TUBB8: variants seen among roughly 807,000 people sequenced by gnomAD.
The protein encoded by TUBB8 is tubulin beta 8 class VIII.
Under a neutral mutation model 33.7 loss-of-function variants are expected in TUBB8, and 25 were observed. The ratio of observed to expected loss-of-function variants is 0.74; its 90% CI spans 0.54 to 1.04. The LOEUF (loss-of-function observed/expected upper bound fraction) is 1.04, where lower values mean the gene tolerates loss of function less well. Among genes scored for constraint, TUBB8 ranks in the 50% least tolerant of loss-of-function variants. The pLI is 0.00. For missense variants in TUBB8, 279 were observed against 608.0 expected (o/e 0.46, Z 5.69); for synonymous variants, 245 against 240.1 (o/e 1.02, Z -0.19).
At chr10:74,625 CAAAAAAAA>C (rs35723619), upstream of TUBB8, among the ~76,000 whole-genome samples, 3 of 89,680 alleles carry the variant, frequency 3.3e-5, no homozygotes, top group African/African-American at 1.3e-4. Flanking sequence ...GACTCAGTAT[CAAAAAAAA>C]AAAAAAAAAA....
At chr10:62,306 T>C (rs1287725456) in intron 1 of TUBB8, among the ~76,000 whole-genome samples, 3 of 152,274 alleles carry the variant, frequency 2.0e-5, no homozygotes, top group Non-Finnish European at 2.9e-5. Flanking sequence ...TATAATATCT[T>C]ATAACACATC....
chr10:66,802 C>A (rs1303331155), intron 1 of TUBB8, among the ~76,000 whole-genome samples: 1 of 151,992 alleles, frequency 6.6e-6, no homozygotes, highest in African/African-American at 2.4e-5. Context: ...CAAGACCCTA[C>A]CTGTATAAAA....
intron 1 of TUBB8, among the ~76,000 whole-genome samples, chr10:57,898 T>A (rs570782584): frequency 6.6e-6 from 1 of 152,356 alleles, no homozygotes; most frequent in South Asian, 2.1e-4. Context: ...GCTTTTTATT[T>A]TTCTGCCACA....
intron 1 of TUBB8, among the ~76,000 whole-genome samples, chr10:61,649 T>C (rs1414826141): frequency 1.3e-5 from 2 of 152,374 alleles, no homozygotes; most frequent in South Asian, 2.1e-4. Flanking sequence ...CTGATGTTTC[T>C]TTGTTGATTT....
In TUBB8 at chr10:73,165, G is replaced by A. The variant is rs568313372; in HGVS notation, c.-846+804C>T. On this transcript the variant is annotated intron_variant, in intron 1 of 3. Transcript: ENST00000564130. Reference sequence around the variant, plus strand: ...CAACAAAAGAAAAACTGTTGTTGACGAGTTCACTTCCATTAGACGCACACA... The same window carrying A: ...CAACAAAAGAAAAACTGTTGTTGACAAGTTCACTTCCATTAGACGCACACA... Among the ~76,000 whole-genome samples the A allele has an allele frequency of 5.0e-3, 769 of 152,306 alleles. 3 individuals are homozygous for A. Among genetic ancestry groups the A allele is most frequent in the African/African-American group, 0.017 (721 of 41,574 alleles).
At position 63,746 on chromosome 10, in the gene TUBB8, G is replaced by C. The variant is rs1259069982; in HGVS notation, c.-846+10223C>G. On this transcript the variant is annotated intron_variant, in intron 1 of 3. Coordinates refer to the TUBB8 transcript ENST00000564130. ...CTCAACCAGCTATTTTGGATTTCCT[G>C]TATGAAAGGTCACATATCTCTATTT... 4.6e-5 allele frequency among the ~76,000 whole-genome samples: 7 copies of C among 152,248 alleles called. No homozygotes were observed. In the East Asian group the frequency reaches 9.6e-4, roughly 21 times the overall value.
intron 1 of TUBB8, among the ~76,000 whole-genome samples, chr10:61,158 T>A (rs1335590122): frequency 1.3e-5 from 2 of 151,834 alleles, no homozygotes; most frequent in Non-Finnish European, 2.9e-5. Flanking sequence ...CGCACCAGCA[T>A]GGCACATGTA....
At chr10:72,469 A>G (rs1257776503) in intron 1 of TUBB8, among the ~76,000 whole-genome samples, 1 of 152,004 alleles carries the variant, frequency 6.6e-6, no homozygotes, top group Non-Finnish European at 1.5e-5. Flanking sequence ...GATGCAGGAG[A>G]AGTGCTTGAA....
upstream of TUBB8, among the ~76,000 whole-genome samples, chr10:51,314 G>A (rs1281292924): frequency 2.0e-5 from 3 of 152,010 alleles, no homozygotes; most frequent in Non-Finnish European, 2.9e-5. Flanking sequence ...TCACCATGTC[G>A]GCCAGGCTGG....
intron 1 of TUBB8, among the ~76,000 whole-genome samples, chr10:55,075 G>T (rs1205454150): frequency 6.6e-6 from 1 of 152,220 alleles, no homozygotes; most frequent in Non-Finnish European, 1.5e-5. Context: ...AATTTATAAA[G>T]GAAATAGATT....
exon 1 of TUBB8, chr10:49,295 GCGA>G: frequency 6.5e-7 from 1 of 1,533,904 alleles, no homozygotes; most frequent in Non-Finnish European, 8.8e-7. Context: ...CAGACGCGCA[GCGA>G]CCCAGCCCGC....
intron 1 of TUBB8, among the ~76,000 whole-genome samples, chr10:58,128 T>C (rs574363711): frequency 9.8e-5 from 15 of 152,344 alleles, no homozygotes; most frequent in African/African-American, 3.4e-4. Flanking sequence ...ATGACAAAAA[T>C]TCAGCCAACC....
At chr10:48,476 T>C (rs1834401756) in intron 3 of TUBB8, 139 bp downstream of exon 3, 2 of 826,330 alleles carry the variant, frequency 2.4e-6, no homozygotes, top group African/African-American at 1.7e-5. Context: ...GAGAGGCAGA[T>C]TGAGCGACTC....
At position 49,284 on chromosome 10, in the gene TUBB8, G is replaced by A. The variant is rs1554739091; in HGVS notation, c.-46C>T. On this transcript the variant is annotated 5_prime_UTR_variant, in exon 1 of 4. Coordinates refer to ENST00000568584, the MANE Select transcript of TUBB8 (RefSeq NM_177987.3). ...GGCAGGAGAAACGTGAGAAGGAGGAGCAGACGCGCAGCGACCCAGCCCGCC... is the reference window on the plus strand; with the variant it reads ...GGCAGGAGAAACGTGAGAAGGAGGAACAGACGCGCAGCGACCCAGCCCGCC... 4 of 1,551,518 alleles carry A rather than the reference G, an allele frequency of 2.6e-6. No individual in the cohort carries two copies. Among genetic ancestry groups the A allele is most frequent in the Non-Finnish European group, 2.6e-6 (3 of 1,145,592 alleles).
At chr10:70,595 T>C (rs1554742192) in intron 1 of TUBB8, among the ~76,000 whole-genome samples, 1 of 152,124 alleles carries the variant, frequency 6.6e-6, no homozygotes, top group Non-Finnish European at 1.5e-5. Flanking sequence ...ATCACAGTAC[T>C]TTGGGAGGCC....
intron 1 of TUBB8, among the ~76,000 whole-genome samples, chr10:62,904 G>A (rs1464829367): frequency 3.0e-4 from 46 of 152,238 alleles, no homozygotes; most frequent in African/African-American, 1.1e-3. Context: ...TTCTCTTGCT[G>A]CTTTTAGAAT....
At position 49,248 on chromosome 10, in the gene TUBB8, G is replaced by C. The variant is rs201207808; in HGVS notation, c.-10C>G. 1.9e-6 allele frequency: 3 copies of C among 1,576,168 alleles called. No homozygotes were observed. In the South Asian group the frequency reaches 3.5e-5, roughly 18 times the overall value. On this transcript the variant is annotated 5_prime_UTR_variant, in exon 1 of 4. Transcript: ENST00000568584. ...GCACGATCTCCCTCATGGCCAAGGC[G>C]GGATTAGGACGGCAGGAGAAACGTG...
intron 1 of TUBB8, among the ~76,000 whole-genome samples, chr10:57,351 T>C (rs1554740259): frequency 6.7e-6 from 1 of 150,124 alleles, no homozygotes; most frequent in African/African-American, 2.5e-5. Flanking sequence ...CATGCCCCAG[T>C]AGGCAGCCCA....
At chr10:67,147 T>G (rs1272080171) in intron 1 of TUBB8, among the ~76,000 whole-genome samples, 6 of 79,622 alleles carry the variant, frequency 7.5e-5, no homozygotes, top group African/African-American at 1.1e-4. Context: ...GTTTTGTTTT[T>G]TTGTTGTTTT....
Sources: allele counts gnomAD v4.1 joint callset (sites outside exome capture counted in the v4.1 genomes callset), GRCh38; gene constraint gnomAD v4.1.1; transcripts MANE v1.5; gene names NCBI Gene and HGNC (gene_info 2026-07-23, HGNC 2026-07-21).